USP35: variants seen among roughly 807,000 people sequenced by gnomAD.
USP35 encodes the protein ubiquitin specific peptidase 35, also known as ubiquitin carboxyl-terminal hydrolase 35.
Under a neutral mutation model 83.8 loss-of-function variants are expected in USP35, and 69 were observed. The ratio of observed to expected loss-of-function variants is 0.82; its 90% CI spans 0.68 to 1.01. The LOEUF (loss-of-function observed/expected upper bound fraction) is 1.01. Among genes scored for constraint, USP35 ranks in the 50% least tolerant of loss-of-function variants. The pLI, the probability that USP35 is intolerant of heterozygous loss-of-function variation, is 0.00. For synonymous variants in USP35, 714 were observed against 589.5 expected (o/e 1.21, Z -3.06); for missense variants, 1,503 against 1,362.5 (o/e 1.10, Z -1.62).
At chr11:78,235,070 C>G in the USP35 span, among the ~76,000 whole-genome samples, 31 of 152,128 alleles carry the variant, frequency 2.0e-4, no homozygotes, top group African/African-American at 6.5e-4. Context: ...AGACATTTTC[C>G]CCATGGTCTT....
chr11:78,198,906 T>G (rs555116139), intron 3 of USP35: 2 of 160,388 alleles, frequency 1.2e-5, no homozygotes, highest in Middle Eastern at 6.5e-3. Context: ...TCTAGAACTG[T>G]GCTGTGGGAG....
Position 78,213,683 on chromosome 11 carries a change from TCTCTGCA to T in USP35, c.2931_2937del (p.Ala978ProfsTer47), listed in dbSNP as rs1565406437. On this transcript the variant is annotated frameshift_variant, in exon 11 of 11. Coordinates refer to ENST00000529308, the MANE Select transcript of USP35 (RefSeq NM_020798.4). LOFTEE classifies it high-confidence loss of function. ...GAGGCCCGGAGCAGGGCGGCCTACA[TCTCTGCA>T]CTCCCCACATCTCCGCACTGGGGGA... 1.3e-6 allele frequency: 2 copies of T among 1,519,774 alleles called. No homozygotes were observed. Among genetic ancestry groups the T allele is most frequent in the Non-Finnish European group, 1.7e-6 (2 of 1,143,030 alleles). The allele number at this position is 1,519,774 out of a possible 1,614,324, so 94.1% of individuals were successfully genotyped here.
chr11:78,201,473 C>T (rs370666210), intron 6 of USP35, among the ~76,000 whole-genome samples: 2 of 152,164 alleles, frequency 1.3e-5, no homozygotes, highest in Non-Finnish European at 2.9e-5. Context: ...AAACTCTGGT[C>T]GGAGCAGCTT....
intron 1 of USP35, among the ~76,000 whole-genome samples, chr11:78,190,236 T>TTTTTG (rs554685027): frequency 3.3e-5 from 5 of 151,098 alleles, no homozygotes; most frequent in African/African-American, 1.2e-4. Context: ...CAGGAACAGA[T>TTTTTG]TTTTGTTTTG....
intron 5 of USP35, 101 bp from the exon 6 acceptor site, chr11:78,200,549 T>A (rs1011382989): frequency 1.6e-5 from 24 of 1,497,316 alleles, no homozygotes; most frequent in Non-Finnish European, 2.0e-5. Flanking sequence ...TGGGCAAGCC[T>A]CCCTACCTCA....
intron 1 of USP35, among the ~76,000 whole-genome samples, chr11:78,189,548 T>C (rs1056286964): frequency 1.3e-5 from 2 of 152,128 alleles, no homozygotes; most frequent in Non-Finnish European, 2.9e-5. Flanking sequence ...GCTTTTCCTA[T>C]TCTCAGTGTG....
the USP35 span, chr11:78,222,215 T>C: frequency 1.9e-6 from 3 of 1,549,922 alleles, no homozygotes; most frequent in Non-Finnish European, 2.7e-6. Context: ...GAAAAGAAAG[T>C]CTGGTAATCA....
chr11:78,213,612 C>CTAAG (rs761100805), intron 10 of USP35, 34 bp from the exon 11 acceptor site: 43 of 966,786 alleles, frequency 4.4e-5, no homozygotes, highest in Non-Finnish European at 5.3e-5. Flanking sequence ...GGTGTGAATT[C>CTAAG]TAAGTCTAAG....
the USP35 span, among the ~76,000 whole-genome samples, chr11:78,228,690 CCTTCACTGA>C: frequency 6.6e-6 from 1 of 152,166 alleles, no homozygotes; most frequent in African/African-American, 2.4e-5. Context: ...AGTCTCCAAA[CCTTCACTGA>C]TGCTCCTCCT....
chr11:78,226,050 C>A, the USP35 span, among the ~76,000 whole-genome samples: 1 of 152,194 alleles, frequency 6.6e-6, no homozygotes, highest in Non-Finnish European at 1.5e-5. Context: ...ATTAAGACCT[C>A]GTTTTGCTTT....
chr11:78,225,075 G>A, the USP35 span: 32 of 1,395,894 alleles, frequency 2.3e-5, no homozygotes, highest in East Asian at 4.6e-5. Flanking sequence ...TAACCAGGCC[G>A]GCCTGAGGAC....
At chr11:78,203,469 A>T (rs1028970771) in intron 6 of USP35, among the ~76,000 whole-genome samples, 1 of 152,010 alleles carries the variant, frequency 6.6e-6, no homozygotes, top group African/African-American at 2.4e-5. Context: ...AGAGAGGGGA[A>T]CTCACCCAAA....
chr11:78,223,017 TAAG>T, the USP35 span, among the ~76,000 whole-genome samples: 1 of 152,212 alleles, frequency 6.6e-6, no homozygotes, highest in African/African-American at 2.4e-5. Flanking sequence ...TTCCAAATGC[TAAG>T]ATTTGAATTC....
intron 7 of USP35, 87 bp downstream of exon 7, chr11:78,206,122 G>T: frequency 1.4e-6 from 2 of 1,476,392 alleles, no homozygotes; most frequent in Non-Finnish European, 1.8e-6. Flanking sequence ...CCGGGGTGGG[G>T]GTTGGAGAGG....
the USP35 span, among the ~76,000 whole-genome samples, chr11:78,227,631 CAAAA>C: frequency 8.5e-5 from 9 of 106,098 alleles, no homozygotes; most frequent in Admixed American, 3.1e-4. Flanking sequence ...CCATTGCCAC[CAAAA>C]AAAAAAAAAA....
intron 6 of USP35, among the ~76,000 whole-genome samples, chr11:78,205,057 G>A (rs1456098895): frequency 2.0e-5 from 3 of 152,186 alleles, no homozygotes; most frequent in African/African-American, 7.2e-5. Context: ...AGCGGGATGT[G>A]GTGCTTAGAT....
Position 78,209,800 on chromosome 11 carries a change from A to G in USP35, c.1945A>G (p.Thr649Ala). 6.2e-7 allele frequency: 1 copy of G among 1,613,882 alleles called. No individual in the cohort carries two copies. Among genetic ancestry groups the G allele is most frequent in the Non-Finnish European group, 8.5e-7 (1 of 1,179,922 alleles). The change falls in exon 10 of 11, where the codon ACA becomes GCA. Residue 649 changes from threonine to alanine, a missense_variant. Thr to Ala is a moderately conservative substitution (Grantham distance 58, BLOSUM62 0). Coordinates refer to ENST00000529308, the MANE Select transcript of USP35 (RefSeq NM_020798.4). The stretch of plus-strand genomic sequence containing the variant: ...TCGGAGGCAAAGGAAACACTGCATC[A>G]CAGAGGACACCCCCCCCACCAGCCT... ...GPRRQRKHCI[T>A]EDTPPTSLYI...
At chr11:78,221,007 G>A in the USP35 span, among the ~76,000 whole-genome samples, 1 of 152,168 alleles carries the variant, frequency 6.6e-6, no homozygotes, top group African/African-American at 2.4e-5. Context: ...TGAAGAGGGT[G>A]GCTTCATCTC....
chr11:78,229,130 T>G, the USP35 span, among the ~76,000 whole-genome samples: 1 of 152,158 alleles, frequency 6.6e-6, no homozygotes, highest in Non-Finnish European at 1.5e-5. Flanking sequence ...ACAGTTGGTA[T>G]CAGCCCTTGC....
Sources: allele counts gnomAD v4.1 joint callset (sites outside exome capture counted in the v4.1 genomes callset), GRCh38; gene constraint gnomAD v4.1.1; transcripts MANE v1.5; gene names NCBI Gene and HGNC (gene_info 2026-07-23, HGNC 2026-07-21).